The following ZNF536 variants were observed in gnomAD, a reference collection of about 807,000 sequenced individuals.
ZNF536 encodes zinc finger protein 536.
Under a neutral mutation model 84.5 loss-of-function variants are expected in ZNF536, and 13 were observed. That is an observed-to-expected ratio of 0.15 (90% confidence interval 0.10 to 0.24). The LOEUF (loss-of-function observed/expected upper bound fraction) is 0.24, where lower values mean the gene tolerates loss of function less well. Among genes scored for constraint, ZNF536 ranks in the 10% least tolerant of loss-of-function variants. The probability of loss-of-function intolerance (pLI) is 1.00; values close to 1 mark genes in which losing one functional copy is unlikely to be tolerated. For missense variants in ZNF536, 1,536 were observed against 1,747.5 expected (o/e 0.88, Z 2.16); for synonymous variants, 811 against 742.5 (o/e 1.09, Z -1.50).
chr19:30,690,977 G>A (rs879601769), intron 1 of ZNF536, among the ~76,000 whole-genome samples: 10 of 152,054 alleles, frequency 6.6e-5, no homozygotes, highest in Non-Finnish European at 1.3e-4. Context: ...TGAAGATACC[G>A]GCTAACTATT....
rs1555738511 is a variant in ZNF536 at position 30,384,185 on chromosome 19, C to CCT, written c.-3+11629_-3+11630insCT. 1.0e-4 allele frequency among the ~76,000 whole-genome samples: 6 copies of CCT among 57,246 alleles called. 1 individual carries two copies. The highest frequency in any genetic ancestry group is 2.0e-4 in the Non-Finnish European group (5 of 24,620). The allele number at this position is 57,246 out of a possible 152,430, so 37.6% of individuals were successfully genotyped here. ...CTTTCGTTTCCTTCTTTCTTTCTTT[C>CCT]TCCTTCCTTCCTTCCTTCCATCCTC... On this transcript the variant is annotated intron_variant, in intron 1 of 4. Transcript: ENST00000355537.
intron 2 of ZNF536, among the ~76,000 whole-genome samples, chr19:30,323,175 G>A (rs1164317374): frequency 6.6e-6 from 1 of 152,214 alleles, no homozygotes; most frequent in Non-Finnish European, 1.5e-5. Context: ...GCTGGGCTTT[G>A]CTGGTAGAAT....
chr19:30,347,119 T>TA (rs1405060237), intron 2 of ZNF536, among the ~76,000 whole-genome samples: 1 of 99,248 alleles, frequency 1.0e-5, no homozygotes, highest in Non-Finnish European at 1.9e-5. Flanking sequence ...TTTTTTTTTT[T>TA]TATATGATTC....
rs535355637 is a variant in ZNF536 at position 30,570,203 on chromosome 19, C to T, written c.169+20689C>T. The stretch of plus-strand genomic sequence containing the variant: ...GTGACAAGGCAAGTGGCGTGCCCTG[C>T]CATGCAGCTCACACCACGGCATTTG... On this transcript the variant is annotated intron_variant, in intron 1 of 1. Coordinates refer to the ZNF536 transcript ENST00000592773. Among the ~76,000 whole-genome samples the T allele has an allele frequency of 5.9e-5, 9 of 152,278 alleles. 1 individual carries two copies. The highest frequency in any genetic ancestry group is 2.2e-4 in the African/African-American group (9 of 41,544).
chr19:30,462,969 G>A (rs376145661), intron 2 of ZNF536, among the ~76,000 whole-genome samples: 10 of 140,386 alleles, frequency 7.1e-5, no homozygotes, highest in African/African-American at 1.6e-4. Context: ...GTATGCATTT[G>A]CCTGTGTTGG....
intron 1 of ZNF536, among the ~76,000 whole-genome samples, chr19:30,633,737 A>T (rs887055131): frequency 2.6e-5 from 4 of 152,064 alleles, no homozygotes; most frequent in African/African-American, 4.8e-5. Context: ...TAAATTTTTT[A>T]AATTTTTTAA....
intron 2 of ZNF536, among the ~76,000 whole-genome samples, chr19:30,516,324 G>C (rs1037217332): frequency 1.1e-4 from 17 of 152,202 alleles, no homozygotes; most frequent in African/African-American, 3.9e-4. Context: ...AGCCGGCCTG[G>C]TGTGTGTCTC....
intron 1 of ZNF536, among the ~76,000 whole-genome samples, chr19:30,687,805 A>T (rs1458357230): frequency 6.6e-6 from 1 of 152,034 alleles, no homozygotes; most frequent in African/African-American, 2.4e-5. Flanking sequence ...ATTTTATAGA[A>T]TATGCCTAGT....
chr19:30,588,491 C>T (rs891793937), intron 1 of ZNF536, among the ~76,000 whole-genome samples: 3 of 152,160 alleles, frequency 2.0e-5, no homozygotes, highest in Non-Finnish European at 4.4e-5. Flanking sequence ...CATGAGGTGG[C>T]AGTTTCCCTG....
intron 2 of ZNF536, among the ~76,000 whole-genome samples, chr19:30,501,737 G>A (rs1444613243): frequency 6.6e-6 from 1 of 152,200 alleles, no homozygotes; most frequent in Admixed American, 6.5e-5. Context: ...AGCTCATGAG[G>A]ACCACACAAT....
At position 30,251,167 on chromosome 19, in the gene ZNF536, G is replaced by A. The variant is rs1172206642; in HGVS notation, c.-190+22494G>A. ...CCTGATCACAGAGCACTCCCTGGAT[G>A]CACTTGAGTGTCTGGGTTCCAGATA... On this transcript the variant is annotated intron_variant, in intron 1 of 5. Transcript: ENST00000585628. Among the ~76,000 whole-genome samples, 3 of 152,212 alleles carry A rather than the reference G, an allele frequency of 2.0e-5. No individual in the cohort carries two copies. In the East Asian group the frequency reaches 5.8e-4, roughly 29 times the overall value.
At chr19:30,358,614 C>G (rs1265353465) in intron 3 of ZNF536, among the ~76,000 whole-genome samples, 1 of 152,214 alleles carries the variant, frequency 6.6e-6, no homozygotes, top group Non-Finnish European at 1.5e-5. Flanking sequence ...AAATATATGA[C>G]AAATCCACAT....
intron 1 of ZNF536, among the ~76,000 whole-genome samples, chr19:30,655,708 C>T: frequency 6.6e-6 from 1 of 152,174 alleles, no homozygotes; most frequent in Non-Finnish European, 1.5e-5. Context: ...CAATGATCTC[C>T]TTTTGCTCTT....
intron 2 of ZNF536, among the ~76,000 whole-genome samples, chr19:30,456,308 CTTTTT>C (rs11301441): frequency 1.9e-5 from 2 of 108,084 alleles, no homozygotes; most frequent in Non-Finnish European, 1.9e-5. Flanking sequence ...TGTTTCTTTT[CTTTTT>C]TTTTTTTTTT....
chr19:30,367,840 G>A (rs990027971), upstream of ZNF536, among the ~76,000 whole-genome samples: 3 of 152,138 alleles, frequency 2.0e-5, no homozygotes, highest in Non-Finnish European at 4.4e-5. Context: ...CTACCACCTC[G>A]ATCTCTCTCT....
intron 1 of ZNF536, among the ~76,000 whole-genome samples, chr19:30,410,774 G>A (rs558325260): frequency 8.2e-4 from 124 of 151,890 alleles, no homozygotes; most frequent in African/African-American, 2.9e-3. Context: ...CACCGCGCCC[G>A]GCCAAGTGAA....
At chr19:30,291,017 C>T (rs1481917066) in intron 2 of ZNF536, among the ~76,000 whole-genome samples, 1 of 152,178 alleles carries the variant, frequency 6.6e-6, no homozygotes, top group Non-Finnish European at 1.5e-5. Flanking sequence ...AGGACATGAA[C>T]TCATCCTTTT....
chr19:30,573,948 G>A (rs1051929453), intron 1 of ZNF536, among the ~76,000 whole-genome samples: 11 of 152,188 alleles, frequency 7.2e-5, no homozygotes, highest in Admixed American at 4.6e-4. Context: ...TTGCCAGGAC[G>A]GGCAGCTGTC....
intron 1 of ZNF536, among the ~76,000 whole-genome samples, chr19:30,403,137 T>G (rs2050124495): frequency 6.6e-6 from 1 of 152,166 alleles, no homozygotes; most frequent in Non-Finnish European, 1.5e-5. Flanking sequence ...TGCCTGGCAT[T>G]GCTTAAAATG....
Sources: allele counts gnomAD v4.1 joint callset (sites outside exome capture counted in the v4.1 genomes callset), GRCh38; gene constraint gnomAD v4.1.1; transcripts MANE v1.5; gene names NCBI Gene and HGNC (gene_info 2026-07-23, HGNC 2026-07-21).